Variants in UNC13C observed in about 807,000 individuals in gnomAD.
UNC13C encodes the protein unc-13 homolog C.
Under a neutral mutation model 245.4 loss-of-function variants are expected in UNC13C, and 174 were observed. The observed-to-expected ratio is 0.71, with a 90% CI of 0.63 to 0.80. UNC13C has a LOEUF of 0.80. Ranked by LOEUF, UNC13C falls within the 30% of genes least tolerant of loss-of-function variation. The pLI, the probability that UNC13C is intolerant of heterozygous loss-of-function variation, is 0.00. For missense variants in UNC13C, 2,829 were observed against 2,602.9 expected, an observed-to-expected ratio of 1.09 and a Z score of -1.89; for synonymous variants, 992 against 895.1, an observed-to-expected ratio of 1.11 and a Z score of -1.93.
chr15:54,329,382 T>C (rs561215601), intron 14 of UNC13C, among the ~76,000 whole-genome samples: 2 of 152,072 alleles, frequency 1.3e-5, no homozygotes, highest in South Asian at 2.1e-4. Flanking sequence ...ATCTTATTCC[T>C]TGTAACTGTA....
intron 1 of UNC13C, among the ~76,000 whole-genome samples, chr15:54,005,172 C>A (rs1486263680): frequency 1.3e-5 from 2 of 152,058 alleles, no homozygotes; most frequent in African/African-American, 4.8e-5. Flanking sequence ...CCTAGGGGCC[C>A]AGTGGTGAGA....
chr15:53,938,204 GA>G, the UNC13C span, among the ~76,000 whole-genome samples: 16,120 of 150,072 alleles, frequency 0.11, 1,217 homozygotes, highest in East Asian at 0.33. Context: ...ATGGAAAGCA[GA>G]AAAAAAAAGA....
chr15:54,489,057 T>C (rs181824483), intron 19 of UNC13C, among the ~76,000 whole-genome samples: 24 of 152,294 alleles, frequency 1.6e-4, no homozygotes, highest in African/African-American at 5.8e-4. Context: ...ACATTGATTA[T>C]TTGGTAGGCA....
chr15:54,330,035 T>A (rs2038398305), intron 14 of UNC13C, among the ~76,000 whole-genome samples: 1 of 152,020 alleles, frequency 6.6e-6, no homozygotes, highest in Non-Finnish European at 1.5e-5. Flanking sequence ...GTAGGATGGA[T>A]GTAGGCAATC....
At chr15:54,428,616 T>C (rs1000763817) in intron 19 of UNC13C, among the ~76,000 whole-genome samples, 8 of 151,698 alleles carry the variant, frequency 5.3e-5, no homozygotes, top group Non-Finnish European at 8.9e-5. Context: ...TTTTCTGTGT[T>C]GTCTACTGTT....
chr15:54,387,465 GT>G (rs2039863419), intron 17 of UNC13C, among the ~76,000 whole-genome samples: 1 of 152,062 alleles, frequency 6.6e-6, no homozygotes, highest in Non-Finnish European at 1.5e-5. Context: ...ATAATTAGCA[GT>G]GAGGGCAACT....
chr15:54,321,244 C>A, intron 13 of UNC13C: 1 of 484,556 alleles, frequency 2.1e-6, no homozygotes, highest in Admixed American at 2.2e-5. Context: ...ACAAGCAAGA[C>A]CCCTTTTCTT....
intron 2 of UNC13C, among the ~76,000 whole-genome samples, chr15:54,083,944 G>C (rs1393606736): frequency 3.3e-5 from 5 of 152,168 alleles, no homozygotes; most frequent in Non-Finnish European, 5.9e-5. Context: ...GCGCGAACTC[G>C]CTACCTGGTC....
chr15:54,055,577 G>A (rs1897474456), intron 2 of UNC13C, among the ~76,000 whole-genome samples: 1 of 152,174 alleles, frequency 6.6e-6, no homozygotes, highest in Non-Finnish European at 1.5e-5. Context: ...ATGCAAATGT[G>A]AGTATTTGAT....
the UNC13C span, among the ~76,000 whole-genome samples, chr15:53,902,251 C>A: frequency 5.3e-4 from 80 of 152,166 alleles, no homozygotes; most frequent in Middle Eastern, 0.01. Flanking sequence ...CTCTATGATC[C>A]TTTAATACTC....
chr15:54,048,477 G>T, intron 2 of UNC13C: 1 of 607,444 alleles, frequency 1.6e-6, no homozygotes, highest in Non-Finnish European at 3.2e-6. Context: ...GCCTGAAGAA[G>T]TGCTATTTCA....
At chr15:54,425,816 C>A (rs1254854517) in intron 19 of UNC13C, among the ~76,000 whole-genome samples, 1 of 151,816 alleles carries the variant, frequency 6.6e-6, no homozygotes, top group Non-Finnish European at 1.5e-5. Flanking sequence ...GCAAATATAT[C>A]ATCTTAGAGA....
intron 13 of UNC13C, among the ~76,000 whole-genome samples, chr15:54,302,929 C>A (rs182735695): frequency 6.6e-6 from 1 of 151,988 alleles, no homozygotes; most frequent in African/African-American, 2.4e-5. Context: ...AATTCTAGAA[C>A]AACATAATGT....
intron 4 of UNC13C, among the ~76,000 whole-genome samples, chr15:54,188,676 C>T (rs988934978): frequency 6.6e-6 from 1 of 152,036 alleles, no homozygotes; most frequent in African/African-American, 2.4e-5. Context: ...GTATATTAGC[C>T]CTTATTTGTT....
intron 19 of UNC13C, among the ~76,000 whole-genome samples, chr15:54,429,844 A>G (rs1290269124): frequency 6.6e-6 from 1 of 151,728 alleles, no homozygotes; most frequent in African/African-American, 2.4e-5. Context: ...TAAGTAACAG[A>G]AAGTAAAAAG....
At chr15:54,309,893 C>G (rs1286747059) in intron 13 of UNC13C, among the ~76,000 whole-genome samples, 1 of 151,750 alleles carries the variant, frequency 6.6e-6, no homozygotes, top group Non-Finnish European at 1.5e-5. Flanking sequence ...TCATTATTTG[C>G]AGTAAGTATC....
Position 54,143,005 on chromosome 15 carries a change from G to C in UNC13C, c.2984-13G>C, listed in dbSNP as rs748561501. On this transcript the variant is annotated splice_polypyrimidine_tract_variant and intron_variant, in intron 2 of 32. Transcript: ENST00000260323. The stretch of plus-strand genomic sequence containing the variant: ...TCTAACATTTATCCCTTCTTTTCCT[G>C]ATTCTCTTTCAGATAGCAGTTCTGT... 6.2e-7 allele frequency: 1 copy of C among 1,610,956 alleles called. No individual in the cohort carries two copies. Among genetic ancestry groups the C allele is most frequent in the African/African-American group, 1.3e-5 (1 of 74,842 alleles).
intron 1 of UNC13C, among the ~76,000 whole-genome samples, chr15:53,989,092 C>A (rs1894269107): frequency 1.3e-5 from 2 of 151,970 alleles, no homozygotes; most frequent in East Asian, 3.9e-4. Context: ...TAAATAGATG[C>A]CATGCTTGGT....
the UNC13C span, among the ~76,000 whole-genome samples, chr15:53,858,670 C>G: frequency 6.6e-6 from 1 of 152,254 alleles, no homozygotes; most frequent in South Asian, 2.1e-4. Flanking sequence ...CCACCCGCCT[C>G]AGCATCCCAA....
Sources: allele counts gnomAD v4.1 joint callset (sites outside exome capture counted in the v4.1 genomes callset), GRCh38; gene constraint gnomAD v4.1.1; transcripts MANE v1.5; gene names NCBI Gene and HGNC (gene_info 2026-07-23, HGNC 2026-07-21).